Variants in CSMD1 observed in about 807,000 individuals in gnomAD.
The protein encoded by CSMD1 is CUB and sushi domain-containing protein 1.
In CSMD1, 213 loss-of-function variants were observed where a neutral mutation model predicts 417.5. The observed-to-expected ratio is 0.51, with a 90% CI of 0.46 to 0.57. The LOEUF is 0.57. CSMD1 is among the 20% of genes least tolerant of loss of function. The pLI is 0.00. For synonymous variants in CSMD1, 2,862 were observed against 1,736.8 expected (o/e 1.65, Z -16.11); for missense variants, 6,923 against 4,529.7 (o/e 1.53, Z -15.17).
chr8:4,016,371 T>G (rs1035241182), intron 4 of CSMD1, among the ~76,000 whole-genome samples: 1 of 152,124 alleles, frequency 6.6e-6, no homozygotes, highest in African/African-American at 2.4e-5. Flanking sequence ...CTTGCCTGAA[T>G]TGGCTTCCCG....
At chr8:4,503,325 T>C (rs1802354910) in intron 2 of CSMD1, among the ~76,000 whole-genome samples, 1 of 152,126 alleles carries the variant, frequency 6.6e-6, no homozygotes, top group Admixed American at 6.6e-5. Context: ...TCAATAACTA[T>C]TGAGTGACTA....
chr8:4,984,924 G>A (rs974791771), intron 1 of CSMD1, among the ~76,000 whole-genome samples: 5 of 152,156 alleles, frequency 3.3e-5, no homozygotes, highest in Non-Finnish European at 7.3e-5. Flanking sequence ...TGGCACATAT[G>A]CATCCGGAAG....
chr8:4,154,065 A>G (rs1796704024), intron 3 of CSMD1, among the ~76,000 whole-genome samples: 2 of 152,212 alleles, frequency 1.3e-5, no homozygotes, highest in Admixed American at 1.3e-4. Flanking sequence ...AGGAGGTAAT[A>G]AATAAATTGG....
At chr8:3,854,369 G>C (rs142899931) in intron 5 of CSMD1, among the ~76,000 whole-genome samples, 1 of 151,702 alleles carries the variant, frequency 6.6e-6, no homozygotes, top group African/African-American at 2.4e-5. Flanking sequence ...TTGATTTTAA[G>C]AACACAGATA....
At chr8:3,954,601 A>G (rs747303974) in intron 5 of CSMD1, among the ~76,000 whole-genome samples, 18 of 152,182 alleles carry the variant, frequency 1.2e-4, no homozygotes, top group Non-Finnish European at 2.4e-4. Context: ...TGACCTCGTG[A>G]TCCGCCCACC....
chr8:3,879,359 A>G (rs575510350), intron 5 of CSMD1, among the ~76,000 whole-genome samples: 82 of 152,318 alleles, frequency 5.4e-4, no homozygotes, highest in Admixed American at 3.5e-3. Context: ...GAATCATCTA[A>G]GGAATCTCTA....
At chr8:3,304,507 G>T (rs1472073236) in intron 25 of CSMD1, among the ~76,000 whole-genome samples, 3 of 152,042 alleles carry the variant, frequency 2.0e-5, no homozygotes, top group Admixed American at 6.6e-5. Context: ...AACATTTTGG[G>T]ATTAAGTTGA....
intron 21 of CSMD1, among the ~76,000 whole-genome samples, chr8:3,350,744 T>G (rs1222204681): frequency 1.3e-5 from 2 of 151,990 alleles, no homozygotes. Flanking sequence ...ATAAAAAAGG[T>G]GGGACAAGAA....
At chr8:4,031,099 T>G (rs1221425725) in intron 4 of CSMD1, among the ~76,000 whole-genome samples, 1 of 152,206 alleles carries the variant, frequency 6.6e-6, no homozygotes, top group African/African-American at 2.4e-5. Flanking sequence ...TTCCCACATT[T>G]TCCTGTCTCC....
rs183563414 is a variant in CSMD1, at chr8:3,783,273, G to T, written c.819-29231C>A. On this transcript the variant is annotated intron_variant, in intron 5 of 69. Transcript: ENST00000635120. Reference sequence around the variant, plus strand: ...GTGCTCCCGGAAAAACTGGTTTTTTGCAAAACTCACCATTAGAAATACTGG... The same window carrying T: ...GTGCTCCCGGAAAAACTGGTTTTTTTCAAAACTCACCATTAGAAATACTGG... 7.9e-5 allele frequency among the ~76,000 whole-genome samples: 12 copies of T among 152,278 alleles called. No homozygotes were observed. The East Asian group carries it at 2.1e-3, about 27-fold the overall frequency.
At chr8:3,540,431 A>C (rs1458836985) in intron 10 of CSMD1, among the ~76,000 whole-genome samples, 3 of 152,238 alleles carry the variant, frequency 2.0e-5, no homozygotes, top group Non-Finnish European at 4.4e-5. Flanking sequence ...TAAAAACCCT[A>C]GAATAAAATC....
intron 61 of CSMD1, among the ~76,000 whole-genome samples, chr8:2,961,484 T>G (rs567028585): frequency 6.6e-6 from 1 of 152,268 alleles, no homozygotes; most frequent in South Asian, 2.1e-4. Context: ...TCTGGCTTTT[T>G]TTTCTATAGA....
intron 1 of CSMD1, among the ~76,000 whole-genome samples, chr8:4,826,792 C>T (rs537346313): frequency 6.8e-4 from 103 of 152,140 alleles, no homozygotes; most frequent in Non-Finnish European, 1.3e-3. Flanking sequence ...TATGGAAGTA[C>T]AGGCTTAATG....
intron 21 of CSMD1, among the ~76,000 whole-genome samples, chr8:3,349,128 C>T (rs1808219633): frequency 6.6e-6 from 1 of 152,174 alleles, no homozygotes; most frequent in African/African-American, 2.4e-5. Context: ...GAATAATTGT[C>T]AGGTTGGAAA....
At chr8:3,696,731 G>C (rs186229249) in intron 7 of CSMD1, among the ~76,000 whole-genome samples, 6 of 152,262 alleles carry the variant, frequency 3.9e-5, no homozygotes, top group Non-Finnish European at 8.8e-5. Context: ...TTAAAGTATA[G>C]GATCAAGTTA....
intron 6 of CSMD1, among the ~76,000 whole-genome samples, chr8:3,709,693 T>C (rs1248090736): frequency 8.3e-6 from 1 of 121,064 alleles, no homozygotes; most frequent in Non-Finnish European, 1.8e-5. Context: ...TTTTTTTTTT[T>C]TTTTTTTTTT....
At chr8:3,379,592 C>T (rs1382873499) in intron 18 of CSMD1, among the ~76,000 whole-genome samples, 1 of 152,090 alleles carries the variant, frequency 6.6e-6, no homozygotes, top group African/African-American at 2.4e-5. Context: ...GAAATAACAC[C>T]ACATATCTAC....
chr8:4,479,570 T>C (rs1394037654), intron 2 of CSMD1, among the ~76,000 whole-genome samples: 9 of 152,152 alleles, frequency 5.9e-5, no homozygotes, highest in African/African-American at 2.2e-4. Context: ...ACAAATAACA[T>C]TTTTCTCTAA....
chr8:4,451,170 T>A (rs1341088801), intron 2 of CSMD1, among the ~76,000 whole-genome samples: 2 of 149,864 alleles, frequency 1.3e-5, no homozygotes, highest in Admixed American at 6.6e-5. Flanking sequence ...TCTATCAAAA[T>A]AATATAAAAA....
Sources: allele counts gnomAD v4.1 joint callset (sites outside exome capture counted in the v4.1 genomes callset), GRCh38; gene constraint gnomAD v4.1.1; transcripts MANE v1.5; gene names NCBI Gene and HGNC (gene_info 2026-07-23, HGNC 2026-07-21).